Variants in ZSCAN31 observed in about 807,000 individuals in gnomAD.
ZSCAN31 encodes zinc finger and SCAN domain containing 31, also known as zinc finger and SCAN domain-containing protein 31.
Under a neutral mutation model 22.5 loss-of-function variants are expected in ZSCAN31, and 14 were observed. The ratio of observed to expected loss-of-function variants is 0.62; its 90% CI spans 0.41 to 0.97. The LOEUF (loss-of-function observed/expected upper bound fraction) is 0.97, where lower values mean the gene tolerates loss of function less well. Ranked by LOEUF, ZSCAN31 falls within the 50% of genes least tolerant of loss-of-function variation. The pLI is 0.00. For synonymous variants in ZSCAN31, 168 were observed against 169.8 expected (o/e 0.99, Z 0.08); for missense variants, 424 against 483.4 (o/e 0.88, Z 1.15).
upstream of ZSCAN31, chr6:28,355,380 C>T (rs980235214): frequency 4.6e-5 from 7 of 152,174 alleles, no homozygotes; most frequent in Non-Finnish European, 1.0e-4. Flanking sequence ...CAGGCTGTCA[C>T]GAGTCTAAAG....
chr6:28,326,249 G>C lies in ZSCAN31; in HGVS notation c.1138C>G (p.Gln380Glu), dbSNP rs1298859583. ...LRVHTGEKPY[Q>E]CSQCSKLFSK... ...AAGAGTTTACTGCACTGACTGCACT[G>C]ATAGGGTTTCTCACCAGTGTGGACT... The change falls in exon 4 of 4, where the codon CAG (glutamine) becomes GAG (glutamate). Residue 380 changes from glutamine to glutamate, a missense_variant. Transcript: ENST00000344279. 6.2e-7 allele frequency: 1 copy of C among 1,614,122 alleles called. No homozygotes were observed.
intron 2 of ZSCAN31, among the ~76,000 whole-genome samples, chr6:28,344,601 TTTGGATTAA>T (rs1275075619): frequency 6.6e-6 from 1 of 152,198 alleles, no homozygotes; most frequent in Admixed American, 6.5e-5. Flanking sequence ...GTTTGGATTA[TTTGGATTAA>T]GTATCATGGT....
At chr6:28,341,716 G>A (rs1418647079) in intron 3 of ZSCAN31, 1 of 152,230 alleles carries the variant, frequency 6.6e-6, no homozygotes, top group Non-Finnish European at 1.5e-5. Context: ...CTCTTTGGAG[G>A]GTGGCCCAAG....
chr6:28,346,176 A>T (rs1485443409), intron 2 of ZSCAN31, among the ~76,000 whole-genome samples: 1 of 151,950 alleles, frequency 6.6e-6, no homozygotes, highest in Non-Finnish European at 1.5e-5. Flanking sequence ...CCTTTTTCTG[A>T]CATCAGCACA....
intron 1 of ZSCAN31, chr6:28,335,592 A>G (rs1305694275): frequency 2.6e-5 from 4 of 152,180 alleles, no homozygotes; most frequent in Admixed American, 2.6e-4. Flanking sequence ...GGCTTCTGAT[A>G]GGTCCTGGGC....
At position 28,349,691 on chromosome 6, in the gene ZSCAN31, T is replaced by G. The variant is rs557576377; in HGVS notation, c.-371+4171A>C. Among the ~76,000 whole-genome samples the G allele has an allele frequency of 2.4e-4, 36 of 152,348 alleles. No homozygotes were observed. Among genetic ancestry groups the G allele is most frequent in the Middle Eastern group, 6.8e-3 (2 of 294 alleles). On this transcript the variant is annotated intron_variant, in intron 2 of 7. Coordinates refer to the ZSCAN31 transcript ENST00000396838. This position sits in a 1 kb window ranked among gnomAD's most constrained non-coding sequence, Gnocchi z 4.1. ...TTAATTTTCCGATTTTTCCAGGGCT[T>G]CTTTGTGCCACACACGCACACATAA...
intron 3 of ZSCAN31, 45 bp downstream of exon 3, chr6:28,327,338 T>G: frequency 6.2e-7 from 1 of 1,610,624 alleles, no homozygotes; most frequent in Non-Finnish European, 8.5e-7. Flanking sequence ...TCGCCCTATA[T>G]AGACCCACCA....
In ZSCAN31 at chr6:28,351,880, C is replaced by A. The variant is rs956659366; in HGVS notation, c.-371+1982G>T. Among the ~76,000 whole-genome samples the A allele has an allele frequency of 6.6e-6, 1 of 152,020 alleles. No individual in the cohort carries two copies. The highest frequency in any genetic ancestry group is 2.4e-5 in the African/African-American group (1 of 41,398). On this transcript the variant is annotated intron_variant, in intron 2 of 7. Coordinates refer to the ZSCAN31 transcript ENST00000396838. The surrounding 1 kb of genome is among the most constrained non-coding windows in gnomAD (Gnocchi z 4.6). ...ATTTCTTATATACAGGGACTTTTAT[C>A]TTAATATAATCATAGTATCATGATC...
At chr6:28,340,730 T>G (rs1764378558), upstream of ZSCAN31, among the ~76,000 whole-genome samples, 1 of 152,214 alleles carries the variant, frequency 6.6e-6, no homozygotes, top group Non-Finnish European at 1.5e-5. Flanking sequence ...AATGATATTA[T>G]TTTTGCTTTA....
intron 2 of ZSCAN31, among the ~76,000 whole-genome samples, chr6:28,328,373 G>A (rs1288668288): frequency 1.3e-5 from 2 of 152,144 alleles, no homozygotes; most frequent in Non-Finnish European, 2.9e-5. Flanking sequence ...TACGCCCAGG[G>A]GGGCCAGTTC....
rs1763728129 is a variant in ZSCAN31, at chr6:28,331,433, T to G, written c.-95-1655A>C. ...ATTCATTCCAATATTATGTGTCTACTAGGTGTCTGGAATAAAGGAACGGTC... is the reference window on the plus strand; with the variant it reads ...ATTCATTCCAATATTATGTGTCTACGAGGTGTCTGGAATAAAGGAACGGTC... On this transcript the variant is annotated intron_variant, in intron 1 of 3. Transcript: ENST00000344279. The surrounding 1 kb of genome is among the most constrained non-coding windows in gnomAD (Gnocchi z 4.8). Among the ~76,000 whole-genome samples the G allele has an allele frequency of 6.6e-6, 1 of 152,232 alleles. No homozygotes were observed. Among genetic ancestry groups the G allele is most frequent in the South Asian group, 2.1e-4 (1 of 4,830 alleles).
chr6:28,352,316 A>AT (rs138730255), intron 2 of ZSCAN31, among the ~76,000 whole-genome samples: 8,137 of 151,484 alleles, frequency 0.054, 450 homozygotes, highest in East Asian at 0.23. Context: ...GATTTAATTG[A>AT]TTTTTTTTTC....
At chr6:28,343,378 G>A (rs1158563178) in intron 2 of ZSCAN31, among the ~76,000 whole-genome samples, 1 of 151,824 alleles carries the variant, frequency 6.6e-6, no homozygotes, top group East Asian at 1.9e-4. Context: ...AAGAATGAAG[G>A]GTGGTAGACA....
chr6:28,326,183 T>C lies in ZSCAN31; in HGVS notation c.1204A>G (p.Thr402Ala), dbSNP rs892649238. 2 of 1,610,502 alleles carry C rather than the reference T, an allele frequency of 1.2e-6. No homozygotes were observed. Among genetic ancestry groups the C allele is most frequent in the Admixed American group, 1.7e-5 (1 of 59,942 alleles). The change falls in exon 4 of 4, where the codon ACT becomes GCT. Residue 402 changes from threonine to alanine, a missense_variant. Thr to Ala is a moderately conservative substitution (Grantham distance 58, BLOSUM62 0). Transcript: ENST00000344279. ...TLLKKHQKIH[T>A]GERP ...CATCACCCTTATGGTCTCTCTCCAG[T>C]GTGGATTTTCTGATGTTTCTTAAGA...
chr6:28,345,188 A>C (rs1764598336), intron 2 of ZSCAN31, among the ~76,000 whole-genome samples: 1 of 151,480 alleles, frequency 6.6e-6, no homozygotes, highest in South Asian at 2.1e-4. Context: ...GAAAAGAAAA[A>C]TGATTGGAAG....
At chr6:28,354,476 A>G (rs1765288318), upstream of ZSCAN31, among the ~76,000 whole-genome samples, 1 of 152,132 alleles carries the variant, frequency 6.6e-6, no homozygotes, top group Non-Finnish European at 1.5e-5. Context: ...GGCCTGACAT[A>G]TAAACTTTGG....
In ZSCAN31 at chr6:28,325,745, A is replaced by AAAAAG. The variant is rs1763215966; in HGVS notation, c.*420_*421insCTTTT. Reference sequence around the variant, plus strand: ...CTCTGAATATCCTTTGATCTTAGCAAATCTTTTTTTTAAAAGTATACATAG... The same window carrying AAAAAG: ...CTCTGAATATCCTTTGATCTTAGCAAAAAAGATCTTTTTTTTAAAAGTATACATAG... On this transcript the variant is annotated 3_prime_UTR_variant, in exon 4 of 4. Coordinates refer to ENST00000344279, the MANE Select transcript of ZSCAN31 (RefSeq NM_030899.5). The AAAAAG allele has an allele frequency of 1.3e-5, 2 of 154,894 alleles. No individual in the cohort carries two copies. Among genetic ancestry groups the AAAAAG allele is most frequent in the African/African-American group, 4.8e-5 (2 of 41,456 alleles). The allele number at this position is 154,894 out of a possible 1,614,324, so 9.6% of individuals were successfully genotyped here. A position where few individuals can be genotyped will look rare whatever the true frequency, so the allele number is the denominator to read the frequency against.
At chr6:28,343,454 T>G (rs978364873) in intron 2 of ZSCAN31, among the ~76,000 whole-genome samples, 4 of 151,478 alleles carry the variant, frequency 2.6e-5, no homozygotes, top group Non-Finnish European at 5.9e-5. Context: ...GAATGACAGT[T>G]AACTACTGCA....
rs1765055326 is a variant in ZSCAN31, at chr6:28,351,931, C to A, written c.-371+1931G>T. Among the ~76,000 whole-genome samples the A allele has an allele frequency of 6.6e-6, 1 of 151,894 alleles. No individual in the cohort carries two copies. The highest frequency in any genetic ancestry group is 2.1e-4 in the South Asian group (1 of 4,828). The stretch of plus-strand genomic sequence containing the variant: ...ACACGCAAAAAAATTGACAATAATT[C>A]CTTGATATCATTATCTTGATTTTCA... On this transcript the variant is annotated intron_variant, in intron 2 of 7. Coordinates refer to the ZSCAN31 transcript ENST00000396838. The surrounding 1 kb of genome is among the most constrained non-coding windows in gnomAD (Gnocchi z 4.6).
Sources: allele counts gnomAD v4.1 joint callset (sites outside exome capture counted in the v4.1 genomes callset), GRCh38; gene constraint gnomAD v4.1.1; non-coding constraint Gnocchi (gnomAD v3.1); transcripts MANE v1.5; gene names NCBI Gene and HGNC (gene_info 2026-07-23, HGNC 2026-07-21).